COL25A1: variants seen among roughly 807,000 people sequenced by gnomAD.
The protein encoded by COL25A1 is collagen alpha-1(XXV) chain.
In COL25A1, 103 loss-of-function variants were observed where a neutral mutation model predicts 128.4. That is an observed-to-expected ratio of 0.80 (90% CI 0.68 to 0.94). The LOEUF (loss-of-function observed/expected upper bound fraction) is 0.94. Ranked by LOEUF, COL25A1 falls within the 40% of genes least tolerant of loss-of-function variation. The probability of loss-of-function intolerance (pLI) is 0.00; values close to 1 mark genes in which losing one functional copy is unlikely to be tolerated. For missense variants in COL25A1, 745 were observed against 840.0 expected, an observed-to-expected ratio of 0.89 and a Z score of 1.40; for synonymous variants, 279 against 277.2, an observed-to-expected ratio of 1.01 and a Z score of -0.06.
chr4:108,899,148 T>A lies in COL25A1; in HGVS notation c.861+6A>T. ...GAGAGAGAAATACAGGCAGAATCATTCTTACCTTTTCACCTTGTTCTCCAG... is the reference window on the plus strand; with the variant it reads ...GAGAGAGAAATACAGGCAGAATCATACTTACCTTTTCACCTTGTTCTCCAG... On this transcript the variant is annotated splice_donor_region_variant and intron_variant, in intron 15 of 37. Transcript: ENST00000399132. The A allele has an allele frequency of 1.2e-6, 2 of 1,609,498 alleles. No individual in the cohort carries two copies. The highest frequency in any genetic ancestry group is 1.7e-6 in the Non-Finnish European group (2 of 1,177,846).
At chr4:109,068,027 T>C (rs535771835) in intron 3 of COL25A1, among the ~76,000 whole-genome samples, 4 of 152,112 alleles carry the variant, frequency 2.6e-5, no homozygotes, top group Non-Finnish European at 5.9e-5. Flanking sequence ...CATTACACAA[T>C]AACCAGAAGT....
intron 19 of COL25A1, among the ~76,000 whole-genome samples, chr4:108,870,857 G>C (rs1348992235): frequency 6.6e-6 from 1 of 152,124 alleles, no homozygotes; most frequent in African/African-American, 2.4e-5. Context: ...TATGTTGAAA[G>C]TTTACACGGA....
At chr4:108,924,769 A>G (rs1745858035) in intron 11 of COL25A1, among the ~76,000 whole-genome samples, 1 of 152,146 alleles carries the variant, frequency 6.6e-6, no homozygotes, top group African/African-American at 2.4e-5. Flanking sequence ...GTAGCCTTTT[A>G]GAAGAGTCTG....
intron 3 of COL25A1, among the ~76,000 whole-genome samples, chr4:109,080,188 T>C (rs1053210519): frequency 2.6e-5 from 4 of 152,194 alleles, no homozygotes; most frequent in Non-Finnish European, 5.9e-5. Flanking sequence ...ATATGATAGG[T>C]ACTCCTGTTA....
At chr4:108,884,312 A>G in intron 18 of COL25A1, 90 bp from the exon 19 acceptor site, 1 of 1,176,350 alleles carries the variant, frequency 8.5e-7, no homozygotes, top group Non-Finnish European at 1.2e-6. Flanking sequence ...CTGGCTCAAT[A>G]CTTTCTGCAA....
At chr4:108,998,980 A>C (rs7441233) in intron 6 of COL25A1, among the ~76,000 whole-genome samples, 1 of 152,156 alleles carries the variant, frequency 6.6e-6, no homozygotes, top group Non-Finnish European at 1.5e-5. Flanking sequence ...TGGATAAAAG[A>C]CTTAAATGTA....
intron 20 of COL25A1, 63 bp downstream of exon 20, chr4:108,869,022 AAAG>A: frequency 2.0e-6 from 2 of 984,204 alleles, no homozygotes; most frequent in Admixed American, 2.1e-5. Flanking sequence ...AAAGGAAAGG[AAAG>A]AAGGAAGGAA....
intron 19 of COL25A1, among the ~76,000 whole-genome samples, chr4:108,883,901 A>G (rs1374127834): frequency 6.6e-6 from 1 of 152,210 alleles, no homozygotes; most frequent in Non-Finnish European, 1.5e-5. Context: ...TTTAGACTTT[A>G]AAGAATTCCT....
chr4:109,009,972 C>G (rs1277051920), intron 6 of COL25A1, among the ~76,000 whole-genome samples: 1 of 152,210 alleles, frequency 6.6e-6, no homozygotes. Context: ...AGTAGGATCA[C>G]AGTCTAAATA....
At chr4:108,856,077 G>A (rs1736462573) in intron 24 of COL25A1, among the ~76,000 whole-genome samples, 1 of 152,124 alleles carries the variant, frequency 6.6e-6, no homozygotes, top group Non-Finnish European at 1.5e-5. Context: ...CCAGCAGCCT[G>A]CTTTGTGATT....
chr4:109,002,381 C>CA (rs1310338379), intron 6 of COL25A1, among the ~76,000 whole-genome samples: 1 of 152,214 alleles, frequency 6.6e-6, no homozygotes, highest in African/African-American at 2.4e-5. Context: ...TATTTAGCCA[C>CA]AAAAAAGACT....
chr4:109,291,512 C>G (rs969174802), intron 3 of COL25A1, among the ~76,000 whole-genome samples: 1 of 151,890 alleles, frequency 6.6e-6, no homozygotes, highest in South Asian at 2.1e-4. Context: ...AGTCTTATAA[C>G]GTATATTTTC....
chr4:108,838,782 G>C (rs1254978240), intron 31 of COL25A1, among the ~76,000 whole-genome samples: 10 of 152,114 alleles, frequency 6.6e-5, no homozygotes, highest in Admixed American at 3.9e-4. Flanking sequence ...CTTAGATGTA[G>C]TTTTACTAAC....
intron 3 of COL25A1, among the ~76,000 whole-genome samples, chr4:109,078,459 C>T (rs1763566914): frequency 6.6e-6 from 1 of 152,144 alleles, no homozygotes; most frequent in Non-Finnish European, 1.5e-5. Context: ...ATAGCATTTG[C>T]ATCACCAAAA....
At chr4:109,241,626 CAAA>C (rs34490958) in intron 3 of COL25A1, among the ~76,000 whole-genome samples, 1 of 133,960 alleles carries the variant, frequency 7.5e-6, no homozygotes, top group African/African-American at 2.7e-5. Flanking sequence ...TCTGTCTAGC[CAAA>C]AAAAAAAAAA....
intron 3 of COL25A1, among the ~76,000 whole-genome samples, chr4:109,182,849 T>C (rs1185768955): frequency 6.6e-6 from 1 of 152,068 alleles, no homozygotes; most frequent in Non-Finnish European, 1.5e-5. Flanking sequence ...GCCTGAGAAC[T>C]TTTGATGCTA....
At chr4:109,158,314 TA>T (rs533170285) in intron 3 of COL25A1, among the ~76,000 whole-genome samples, 456 of 136,690 alleles carry the variant, frequency 3.3e-3, no homozygotes, top group Admixed American at 3.4e-3. Context: ...GTTTTAAAGA[TA>T]AAAAAAAAAA....
chr4:109,005,674 CACGGTCATGACTCAG>C (rs1284426852), intron 6 of COL25A1, among the ~76,000 whole-genome samples: 4 of 152,128 alleles, frequency 2.6e-5, no homozygotes, highest in Non-Finnish European at 5.9e-5. Flanking sequence ...GTCTGAATGA[CACGGTCATGACTCAG>C]ACAGGGGTGG....
At chr4:109,207,246 T>G (rs2126190213) in intron 3 of COL25A1, among the ~76,000 whole-genome samples, 1 of 152,262 alleles carries the variant, frequency 6.6e-6, no homozygotes, top group East Asian at 1.9e-4. Flanking sequence ...CAGCTGCCTC[T>G]GTACCTCACT....
Sources: allele counts gnomAD v4.1 joint callset (sites outside exome capture counted in the v4.1 genomes callset), GRCh38; gene constraint gnomAD v4.1.1; transcripts MANE v1.5; gene names NCBI Gene and HGNC (gene_info 2026-07-23, HGNC 2026-07-21).